The following SYBU variants were observed in gnomAD, a reference collection of about 807,000 sequenced individuals.
The protein encoded by SYBU is GOLSYN A protein.
In SYBU, 21 loss-of-function variants were observed where a neutral mutation model predicts 35.9. The ratio of observed to expected loss-of-function variants is 0.58; its 90% CI spans 0.41 to 0.84. The LOEUF (loss-of-function observed/expected upper bound fraction) is 0.84. SYBU is among the 40% of genes least tolerant of loss of function. SYBU has a pLI of 0.00. For missense variants in SYBU, 768 were observed against 848.2 expected (o/e 0.91, Z 1.17); for synonymous variants, 319 against 324.3 (o/e 0.98, Z 0.18).
intron 4 of SYBU, among the ~76,000 whole-genome samples, chr8:109,585,032 C>T (rs1387508596): frequency 6.6e-6 from 1 of 152,110 alleles, no homozygotes; most frequent in Non-Finnish European, 1.5e-5. Flanking sequence ...ATACCACAAA[C>T]CACATTACTC....
intron 1 of SYBU, among the ~76,000 whole-genome samples, chr8:109,675,188 G>A (rs1817139699): frequency 1.3e-5 from 2 of 152,128 alleles, no homozygotes; most frequent in Admixed American, 1.3e-4. Flanking sequence ...GAGAAAGCAG[G>A]ACAGATCTAA....
chr8:109,579,846 A>C lies in SYBU; in HGVS notation c.687T>G (p.Ser229Arg), dbSNP rs1822808809. Residue 229 changes from serine (S) to arginine (R), a missense_variant, in exon 5 of 7, where the codon AGT becomes AGG. Transcript: ENST00000276646. ...TTCCTTTGTAGGAGCCTGAGTTGCT[A>C]CTGCTTGGGGAAGAAGGTGCATAAC... The part of the protein sequence containing the change: ...HPSYAPSSPS[S>R]SNSGSYKGSD... 6.2e-7 allele frequency: 1 copy of C among 1,613,432 alleles called. No individual in the cohort carries two copies.
In SYBU at chr8:109,574,341, T is replaced by G. The variant is rs1319740345; in HGVS notation, c.*565A>C. 1 of 152,628 alleles carries G rather than the reference T, an allele frequency of 6.6e-6. No homozygotes were observed. Among genetic ancestry groups the G allele is most frequent in the African/African-American group, 2.4e-5 (1 of 41,434 alleles). The allele number at this position is 152,628 out of a possible 1,614,324, so 9.5% of individuals were successfully genotyped here. Reference sequence around the variant, plus strand: ...TGCACAGTTTCATCAATTAACAGTTTAAGAACAAACAAGCCATTTAAGACT... The same window carrying G: ...TGCACAGTTTCATCAATTAACAGTTGAAGAACAAACAAGCCATTTAAGACT... On this transcript the variant is annotated 3_prime_UTR_variant, in exon 7 of 7. Coordinates refer to ENST00000276646, the MANE Select transcript of SYBU (RefSeq NM_001099754.2).
intron 2 of SYBU, among the ~76,000 whole-genome samples, chr8:109,629,086 G>C (rs1328427043): frequency 1.3e-5 from 2 of 152,194 alleles, no homozygotes; most frequent in Non-Finnish European, 2.9e-5. Flanking sequence ...GGAAACCAAA[G>C]AGAGGAAGGG....
intron 3 of SYBU, among the ~76,000 whole-genome samples, chr8:109,615,992 CT>C (rs1321700014): frequency 2.8e-5 from 3 of 108,790 alleles, no homozygotes; most frequent in Admixed American, 9.0e-5. Context: ...AATTTCTTTT[CT>C]TTTCTTTTCT....
At chr8:109,614,773 T>C (rs1811550115) in intron 3 of SYBU, among the ~76,000 whole-genome samples, 1 of 152,228 alleles carries the variant, frequency 6.6e-6, no homozygotes, top group African/African-American at 2.4e-5. Context: ...AACTGGACTG[T>C]AGTACTGTTT....
intron 1 of SYBU, among the ~76,000 whole-genome samples, chr8:109,656,761 G>T (rs1816371326): frequency 6.6e-6 from 1 of 152,170 alleles, no homozygotes; most frequent in Non-Finnish European, 1.5e-5. Flanking sequence ...TACCTTGGTA[G>T]TACAGATAGG....
chr8:109,585,913 A>G, intron 4 of SYBU, 147 bp downstream of exon 4: 1 of 628,710 alleles, frequency 1.6e-6, no homozygotes, highest in East Asian at 2.8e-5. Flanking sequence ...CTACCAATTT[A>G]AAATCACTGT....
At chr8:109,603,231 T>C (rs1459418789) in intron 3 of SYBU, 1 of 178,516 alleles carries the variant, frequency 5.6e-6, no homozygotes, top group Non-Finnish European at 1.1e-5. Flanking sequence ...GTCTATCAAT[T>C]GAAAATTATT....
chr8:109,657,426 G>A (rs1282279285), intron 1 of SYBU, among the ~76,000 whole-genome samples: 2 of 152,234 alleles, frequency 1.3e-5, no homozygotes, highest in South Asian at 2.1e-4. Flanking sequence ...TTGCCCAAAG[G>A]AAATTTGTTT....
chr8:109,686,666 T>C (rs780991804), intron 1 of SYBU, among the ~76,000 whole-genome samples: 24 of 152,182 alleles, frequency 1.6e-4, no homozygotes, highest in Non-Finnish European at 1.8e-4. Context: ...GTTCTGCCCT[T>C]GGGAAGAACA....
intron 3 of SYBU, among the ~76,000 whole-genome samples, chr8:109,616,554 G>A (rs534310569): frequency 2.6e-4 from 39 of 152,134 alleles, no homozygotes; most frequent in Admixed American, 1.4e-3. Context: ...TGCCATACTT[G>A]TCTACTGTTT....
intron 2 of SYBU, among the ~76,000 whole-genome samples, chr8:109,635,412 C>G (rs1814113837): frequency 1.3e-5 from 2 of 152,130 alleles, no homozygotes. Context: ...TCTTGCTATA[C>G]CTCAGAGTCC....
At chr8:109,675,378 T>C (rs1202819895) in intron 1 of SYBU, among the ~76,000 whole-genome samples, 1 of 151,976 alleles carries the variant, frequency 6.6e-6, no homozygotes, top group Non-Finnish European at 1.5e-5. Context: ...ATTAACAAAA[T>C]AGATAGACTG....
At chr8:109,583,663 A>G (rs749448518) in intron 4 of SYBU, among the ~76,000 whole-genome samples, 3 of 152,186 alleles carry the variant, frequency 2.0e-5, no homozygotes, top group Non-Finnish European at 4.4e-5. Flanking sequence ...AAACTACTAC[A>G]GAGTTTGGCA....
intron 1 of SYBU, among the ~76,000 whole-genome samples, chr8:109,661,664 T>C (rs1816564434): frequency 6.6e-6 from 1 of 152,190 alleles, no homozygotes; most frequent in African/African-American, 2.4e-5. Flanking sequence ...CTTTACCCAG[T>C]ATGAACTCTT....
chr8:109,640,784 T>C (rs1814771398), intron 2 of SYBU, among the ~76,000 whole-genome samples: 1 of 144,818 alleles, frequency 6.9e-6, no homozygotes, highest in Admixed American at 6.9e-5. Flanking sequence ...AAGCAGACAA[T>C]TTGATTAGCA....
intron 5 of SYBU, among the ~76,000 whole-genome samples, chr8:109,579,213 C>T (rs1586723771): frequency 1.3e-5 from 2 of 152,292 alleles, no homozygotes; most frequent in South Asian, 2.1e-4. Context: ...GTCCTCCTGT[C>T]GTGGCCTCTT....
intron 3 of SYBU, among the ~76,000 whole-genome samples, chr8:109,597,253 T>A (rs902376205): frequency 6.6e-6 from 1 of 152,044 alleles, no homozygotes; most frequent in African/African-American, 2.4e-5. Context: ...TGTCCCAAAG[T>A]GGGGAGGAAG....
Sources: gnomAD v4.1 joint callset for allele counts (sites outside exome capture counted in the v4.1 genomes callset) on GRCh38, gnomAD v4.1.1 for gene constraint, MANE v1.5 for transcripts, NCBI Gene and HGNC (gene_info 2026-07-23, HGNC 2026-07-21) for gene names.